Variants in FAM110B observed in about 807,000 individuals in gnomAD.
FAM110B encodes protein FAM110B.
A neutral mutation model predicts 20.4 loss-of-function variants in FAM110B; 6 were observed. That is an observed-to-expected ratio of 0.29 (90% CI 0.16 to 0.58). The LOEUF is 0.58. Ranked by LOEUF, FAM110B falls within the 20% of genes least tolerant of loss-of-function variation. FAM110B has a pLI of 0.90. For missense variants in FAM110B, 434 were observed against 498.2 expected, an observed-to-expected ratio of 0.87 and a Z score of 1.23; for synonymous variants, 226 against 214.1, an observed-to-expected ratio of 1.06 and a Z score of -0.49.
At chr8:58,120,633 C>T (rs1313836535) in intron 3 of FAM110B, among the ~76,000 whole-genome samples, 2 of 152,228 alleles carry the variant, frequency 1.3e-5, no homozygotes, top group Non-Finnish European at 2.9e-5. Context: ...TACCCCTCCA[C>T]TGCAGATAAG....
chr8:58,093,795 G>GT (rs1467841751), intron 3 of FAM110B, among the ~76,000 whole-genome samples: 1 of 152,166 alleles, frequency 6.6e-6, no homozygotes, highest in African/African-American at 2.4e-5. Context: ...AAAATCAATG[G>GT]TAGCTTGATG....
At chr8:58,034,031 A>G (rs1286976741) in intron 2 of FAM110B, among the ~76,000 whole-genome samples, 1 of 152,152 alleles carries the variant, frequency 6.6e-6, no homozygotes, top group Non-Finnish European at 1.5e-5. Flanking sequence ...TTTTGCCGTA[A>G]ATTCCAGCAG....
chr8:58,043,472 A>T (rs1463607933), intron 2 of FAM110B, among the ~76,000 whole-genome samples: 1 of 150,732 alleles, frequency 6.6e-6, no homozygotes, highest in East Asian at 1.9e-4. Flanking sequence ...AACTTTTTTT[A>T]TATATATTTT....
chr8:58,087,618 C>G (rs971438176), intron 3 of FAM110B, among the ~76,000 whole-genome samples: 1 of 152,096 alleles, frequency 6.6e-6, no homozygotes, highest in Non-Finnish European at 1.5e-5. Flanking sequence ...ATTGGCTCAT[C>G]GGCAGAATGA....
chr8:58,107,828 G>A (rs1196485075), intron 3 of FAM110B, among the ~76,000 whole-genome samples: 2 of 152,178 alleles, frequency 1.3e-5, no homozygotes, highest in Admixed American at 6.5e-5. Flanking sequence ...CATTCTGACA[G>A]CATGCTTGGT....
At chr8:58,085,239 A>G (rs1330496249) in intron 3 of FAM110B, among the ~76,000 whole-genome samples, 1 of 152,216 alleles carries the variant, frequency 6.6e-6, no homozygotes, top group Non-Finnish European at 1.5e-5. Context: ...GTAGGCAGGC[A>G]TGGTGGCCCA....
chr8:57,997,255 C>T (rs1056737534), intron 1 of FAM110B, among the ~76,000 whole-genome samples: 2 of 152,166 alleles, frequency 1.3e-5, no homozygotes, highest in African/African-American at 4.8e-5. Context: ...CCCCCCAAAA[C>T]ATACTCTTAC....
intron 2 of FAM110B, among the ~76,000 whole-genome samples, chr8:58,060,343 G>A (rs58424807): frequency 2.4e-4 from 37 of 152,270 alleles, no homozygotes; most frequent in African/African-American, 8.9e-4. Context: ...GAAAAATTTG[G>A]TGCAGTACAT....
chr8:58,007,630 G>T (rs1042638488), intron 1 of FAM110B, among the ~76,000 whole-genome samples: 12 of 152,158 alleles, frequency 7.9e-5, no homozygotes, highest in African/African-American at 2.9e-4. Context: ...CCTTGTAAAA[G>T]AAACCCCAGA....
At chr8:58,032,500 C>T (rs1004246126) in intron 2 of FAM110B, 1 of 152,168 alleles carries the variant, frequency 6.6e-6, no homozygotes, top group Non-Finnish European at 1.5e-5. Flanking sequence ...CATGCACATA[C>T]TAATGTTCAG....
intron 2 of FAM110B, among the ~76,000 whole-genome samples, chr8:58,047,019 C>T (rs1294942395): frequency 2.0e-5 from 3 of 152,154 alleles, no homozygotes; most frequent in African/African-American, 4.8e-5. Flanking sequence ...AATGTTAACA[C>T]ATTTTCAAAG....
At chr8:58,107,658 A>G (rs959316477) in intron 3 of FAM110B, among the ~76,000 whole-genome samples, 12 of 152,252 alleles carry the variant, frequency 7.9e-5, no homozygotes, top group African/African-American at 2.9e-4. Flanking sequence ...TGTATAATGC[A>G]TAATAATAAG....
At chr8:58,095,899 C>A (rs1208978066) in intron 3 of FAM110B, among the ~76,000 whole-genome samples, 1 of 152,100 alleles carries the variant, frequency 6.6e-6, no homozygotes, top group South Asian at 2.1e-4. Context: ...TCTCTAAGGA[C>A]TTGCTTTATG....
intron 2 of FAM110B, among the ~76,000 whole-genome samples, chr8:58,058,638 G>T (rs1454522147): frequency 6.6e-6 from 1 of 152,054 alleles, no homozygotes; most frequent in Non-Finnish European, 1.5e-5. Context: ...TGTCATAAAT[G>T]CATGAGAGAT....
intron 3 of FAM110B, among the ~76,000 whole-genome samples, chr8:58,114,355 T>C (rs1425127761): frequency 6.6e-6 from 1 of 152,208 alleles, no homozygotes; most frequent in African/African-American, 2.4e-5. Context: ...TATACTTCCC[T>C]GAATTCTCAG....
intron 2 of FAM110B, among the ~76,000 whole-genome samples, chr8:58,057,170 C>G (rs1265447969): frequency 6.6e-6 from 1 of 152,178 alleles, no homozygotes; most frequent in Non-Finnish European, 1.5e-5. Flanking sequence ...GCCTAGAGGG[C>G]TCTGCTCCTC....
At chr8:58,103,767 G>A (rs189947006) in intron 3 of FAM110B, among the ~76,000 whole-genome samples, 159 of 152,268 alleles carry the variant, frequency 1.0e-3, no homozygotes, top group African/African-American at 3.6e-3. Flanking sequence ...ACCATTTCTA[G>A]AAGGCCCCTT....
rs887739564 is a variant in FAM110B at position 58,075,636 on chromosome 8, C to T, written c.-325+13C>T. 6.6e-6 allele frequency: 1 copy of T among 152,076 alleles called. No individual in the cohort carries two copies. Among genetic ancestry groups the T allele is most frequent in the Non-Finnish European group, 1.5e-5 (1 of 68,032 alleles). The allele number at this position is 152,076 out of a possible 1,614,324, so 9.4% of individuals were successfully genotyped here. ...ATTCCCCTCTCAGGTAAGCATATTG[C>T]TTTGCTTTGATCCATTCTGAGAAGG... On this transcript the variant is annotated intron_variant, in intron 3 of 3. Coordinates refer to ENST00000519262, the MANE Select transcript of FAM110B (RefSeq NM_001377989.1).
At chr8:58,022,907 C>T (rs1019034706) in intron 1 of FAM110B, among the ~76,000 whole-genome samples, 1 of 152,170 alleles carries the variant, frequency 6.6e-6, no homozygotes, top group African/African-American at 2.4e-5. Context: ...GTGGGAAAGC[C>T]CTGCCCTCGC....
Sources: gnomAD v4.1 joint callset for allele counts (sites outside exome capture counted in the v4.1 genomes callset) on GRCh38, gnomAD v4.1.1 for gene constraint, MANE v1.5 for transcripts, NCBI Gene and HGNC (gene_info 2026-07-23, HGNC 2026-07-21) for gene names.